Variants in TACC1 observed in about 807,000 individuals in gnomAD.
TACC1 encodes transforming acidic coiled-coil containing protein 1.
A neutral mutation model predicts 84.4 loss-of-function variants in TACC1; 48 were observed. The observed-to-expected ratio is 0.57, with a 90% CI of 0.45 to 0.72. The LOEUF (loss-of-function observed/expected upper bound fraction) is 0.72, where lower values mean the gene tolerates loss of function less well. TACC1 is among the 30% of genes least tolerant of loss of function. TACC1 has a pLI of 0.00. For missense variants in TACC1, 920 were observed against 973.0 expected, an observed-to-expected ratio of 0.95 and a Z score of 0.72; for synonymous variants, 372 against 376.3, an observed-to-expected ratio of 0.99 and a Z score of 0.13.
At chr8:38,819,265 A>G (rs1011936553) in intron 2 of TACC1, among the ~76,000 whole-genome samples, 1 of 152,214 alleles carries the variant, frequency 6.6e-6, no homozygotes, top group Non-Finnish European at 1.5e-5. Context: ...CTTTTTCTAA[A>G]TAGCTCTTTT....
At chr8:38,782,205 G>A in intron 3 of TACC1, among the ~76,000 whole-genome samples, 1 of 151,410 alleles carries the variant, frequency 6.6e-6, no homozygotes, top group East Asian at 1.9e-4. Flanking sequence ...AGAGTGTGAT[G>A]TTCCCCTTCC....
intron 2 of TACC1, among the ~76,000 whole-genome samples, 176 bp from the exon 3 acceptor site, chr8:38,819,346 G>T (rs938516810): frequency 2.0e-5 from 3 of 152,220 alleles, no homozygotes; most frequent in African/African-American, 7.2e-5. Context: ...TCATTTTAGG[G>T]TGTTGTGCCA....
intron 3 of TACC1, among the ~76,000 whole-genome samples, chr8:38,759,196 C>T (rs1277679846): frequency 6.6e-6 from 1 of 152,122 alleles, no homozygotes; most frequent in Non-Finnish European, 1.5e-5. Flanking sequence ...TTATCTGTTC[C>T]TTAACTCCTC....
chr8:38,817,555 C>T (rs780970606), intron 2 of TACC1, among the ~76,000 whole-genome samples: 1 of 152,128 alleles, frequency 6.6e-6, no homozygotes, highest in Non-Finnish European at 1.5e-5. Flanking sequence ...GCCATACTTA[C>T]TATCTCTTTT....
intron 1 of TACC1, among the ~76,000 whole-genome samples, chr8:38,735,636 A>G (rs1179443713): frequency 6.6e-6 from 1 of 152,152 alleles, no homozygotes; most frequent in Non-Finnish European, 1.5e-5. Flanking sequence ...CTGACCCTTC[A>G]GGCCTAAGGC....
intron 1 of TACC1, among the ~76,000 whole-genome samples, chr8:38,736,433 A>C (rs1187156005): frequency 6.6e-6 from 1 of 152,078 alleles, no homozygotes; most frequent in Non-Finnish European, 1.5e-5. Context: ...TGGGCAACAC[A>C]GTGAGACCCC....
intron 2 of TACC1, among the ~76,000 whole-genome samples, chr8:38,792,526 T>C (rs1483313409): frequency 6.6e-6 from 1 of 152,092 alleles, no homozygotes; most frequent in South Asian, 2.1e-4. Context: ...AATGCAGTGG[T>C]GCGATCTCGG....
intron 3 of TACC1, among the ~76,000 whole-genome samples, chr8:38,779,277 A>T (rs1181113188): frequency 1.3e-5 from 2 of 152,206 alleles, no homozygotes; most frequent in East Asian, 3.9e-4. Context: ...GCCTGGCTGA[A>T]ATGCTCTTTT....
At chr8:38,843,469 T>G in intron 11 of TACC1, 74 bp downstream of exon 11, 1 of 1,106,720 alleles carries the variant, frequency 9.0e-7, no homozygotes, top group South Asian at 1.6e-5. Flanking sequence ...ACAAAATCAC[T>G]GTTTCGCAAC....
At chr8:38,824,048 T>TAA in intron 3 of TACC1, 1 of 1,351,758 alleles carries the variant, frequency 7.4e-7, no homozygotes, top group Non-Finnish European at 9.8e-7. Context: ...GCTGTTTCTT[T>TAA]AGTCCCTGGG....
In TACC1 at chr8:38,834,366, T is replaced by C. The variant is rs552095088; in HGVS notation, c.1714-1796T>C. On this transcript the variant is annotated intron_variant, in intron 6 of 12. Transcript: ENST00000317827. ...TTTGTTCAGAACCTAACCTCAGAAGTGACATCCATGACGTTTGCCATATTC... is the reference window on the plus strand; with the variant it reads ...TTTGTTCAGAACCTAACCTCAGAAGCGACATCCATGACGTTTGCCATATTC... Among the ~76,000 whole-genome samples the C allele has an allele frequency of 3.3e-5, 5 of 152,230 alleles. No homozygotes were observed. In the East Asian group the frequency reaches 9.7e-4, roughly 29 times the overall value.
intron 5 of TACC1, among the ~76,000 whole-genome samples, chr8:38,830,270 A>G (rs1380548367): frequency 6.6e-6 from 1 of 151,848 alleles, no homozygotes; most frequent in Non-Finnish European, 1.5e-5. Context: ...TGGTTATTTT[A>G]TTTTTTATTT....
intron 2 of TACC1, among the ~76,000 whole-genome samples, chr8:38,804,665 C>T (rs1034306661): frequency 6.6e-6 from 1 of 152,190 alleles, no homozygotes; most frequent in South Asian, 2.1e-4. Flanking sequence ...TGCAGTGGCA[C>T]TATCACAGCT....
At chr8:38,768,341 G>A (rs1252889919) in intron 3 of TACC1, among the ~76,000 whole-genome samples, 1 of 152,194 alleles carries the variant, frequency 6.6e-6, no homozygotes, top group Non-Finnish European at 1.5e-5. Flanking sequence ...TTAAACTGCA[G>A]TATAAACACC....
At chr8:38,845,965 T>A (rs774191295) in intron 11 of TACC1, among the ~76,000 whole-genome samples, 9 of 152,186 alleles carry the variant, frequency 5.9e-5, no homozygotes, top group Non-Finnish European at 1.2e-4. Context: ...ATCAGTTTAA[T>A]GGCTGTTCAT....
intron 3 of TACC1, among the ~76,000 whole-genome samples, chr8:38,763,452 CG>C (rs577847843): frequency 7.2e-5 from 11 of 152,242 alleles, no homozygotes; most frequent in Middle Eastern, 3.4e-3. Context: ...CCACCATGCC[CG>C]GCCTCATTTT....
chr8:38,793,820 A>G (rs369037800), intron 2 of TACC1, among the ~76,000 whole-genome samples: 2 of 152,192 alleles, frequency 1.3e-5, no homozygotes, highest in African/African-American at 4.8e-5. Context: ...TTGCTCTACA[A>G]TAGCTGGGTT....
At chr8:38,742,830 T>C (rs1451483354) in intron 2 of TACC1, among the ~76,000 whole-genome samples, 1 of 152,222 alleles carries the variant, frequency 6.6e-6, no homozygotes, top group Non-Finnish European at 1.5e-5. Flanking sequence ...TTCCCCTGCC[T>C]CAGCCTCCCG....
At chr8:38,759,803 T>A (rs1344933895) in intron 3 of TACC1, among the ~76,000 whole-genome samples, 1 of 152,216 alleles carries the variant, frequency 6.6e-6, no homozygotes, top group East Asian at 1.9e-4. Flanking sequence ...AATGCAAGAT[T>A]CCAAACTGTA....
Sources: allele counts gnomAD v4.1 joint callset (sites outside exome capture counted in the v4.1 genomes callset), GRCh38; gene constraint gnomAD v4.1.1; transcripts MANE v1.5; gene names NCBI Gene and HGNC (gene_info 2026-07-23, HGNC 2026-07-21).